The following TATDN1 variants were observed in gnomAD, a reference collection of about 807,000 sequenced individuals.
The protein encoded by TATDN1 is deoxyribonuclease TATDN1.
A neutral mutation model predicts 46.4 loss-of-function variants in TATDN1; 40 were observed. The observed-to-expected ratio is 0.86, with a 90% confidence interval of 0.67 to 1.12. The LOEUF is 1.12. Among genes scored for constraint, TATDN1 ranks in the 50% most tolerant of loss-of-function variants. The probability of loss-of-function intolerance (pLI) is 0.00; values close to 1 mark genes in which losing one functional copy is unlikely to be tolerated. For synonymous variants in TATDN1, 95 were observed against 105.6 expected, an observed-to-expected ratio of 0.90 and a Z score of 0.62; for missense variants, 326 against 348.4, an observed-to-expected ratio of 0.94 and a Z score of 0.51.
Position 124,516,036 on chromosome 8 carries a change from A to G in TATDN1, c.203-6T>C. 2 of 1,595,302 alleles carry G rather than the reference A, an allele frequency of 1.3e-6. No homozygotes were observed. The highest frequency in any genetic ancestry group is 1.7e-6 in the Non-Finnish European group (2 of 1,173,054). ...AACTGTACTGAAAAACATACCTAAC[A>G]GAAAATAATGTCTTAGGATTATTTT... On this transcript the variant is annotated splice_polypyrimidine_tract_variant and splice_region_variant and intron_variant, in intron 4 of 11. Transcript: ENST00000276692.
chr8:124,529,103 G>T (rs546556132), intron 1 of TATDN1, among the ~76,000 whole-genome samples: 1 of 152,300 alleles, frequency 6.6e-6, no homozygotes, highest in Admixed American at 6.5e-5. Flanking sequence ...ACCACTGTAA[G>T]CTTGCTTCAA....
intron 4 of TATDN1, among the ~76,000 whole-genome samples, chr8:124,518,548 A>C (rs1220007550): frequency 6.6e-6 from 1 of 151,304 alleles, no homozygotes; most frequent in African/African-American, 2.4e-5. Context: ...AACACACCTG[A>C]GGTTAAACTG....
chr8:124,510,666 A>C (rs1036952438), intron 6 of TATDN1, among the ~76,000 whole-genome samples: 1 of 151,938 alleles, frequency 6.6e-6, no homozygotes, highest in African/African-American at 2.4e-5. Flanking sequence ...TCTACAAAAA[A>C]TACAAGAATT....
At chr8:124,512,197 C>T (rs567583185) in intron 6 of TATDN1, among the ~76,000 whole-genome samples, 2 of 152,022 alleles carry the variant, frequency 1.3e-5, no homozygotes, top group Non-Finnish European at 2.9e-5. Context: ...CCGTGGTGGG[C>T]GGATCACTTG....
At position 124,493,908 on chromosome 8, in the gene TATDN1, CTTATATA is replaced by C; in HGVS notation, c.709_715del (p.Tyr237GlufsTer16). 1 of 1,612,582 alleles carries C rather than the reference CTTATATA, an allele frequency of 6.2e-7. No individual in the cohort carries two copies. The highest frequency in any genetic ancestry group is 8.5e-7 in the Non-Finnish European group (1 of 1,179,844). On this transcript the variant is annotated frameshift_variant, in exon 11 of 12. Transcript: ENST00000276692. LOFTEE classifies it high-confidence loss of function. The stretch of plus-strand genomic sequence containing the variant: ...CTTCTTTTTGGTAGGAAATGCAGTT[CTTATATA>C]TTTTGATCCAGCATGTGTACTTTTG...
chr8:124,516,017 A>G lies in TATDN1; in HGVS notation c.216T>C (p.Ser72=), dbSNP rs138463544. 1.7e-4 allele frequency: 273 copies of G among 1,607,136 alleles called. No homozygotes were observed. In the African/African-American group the frequency reaches 3.2e-3, roughly 19 times the overall value. The change falls in exon 5 of 12, where the codon AGT becomes AGC. Residue 72 remains serine (S), a synonymous_variant. Coordinates refer to ENST00000276692, the MANE Select transcript of TATDN1 (RefSeq NM_032026.4). ...HLAQTNGMFF[S]TVGCHPTRCG... is the part of the protein sequence containing the mutation. ...ATCTTGTAGGATGACATCCAACTGT[A>G]CTGAAAAACATACCTAACAGAAAAT... is the stretch of plus-strand genomic sequence containing the variant.
At position 124,504,364 on chromosome 8, in the gene TATDN1, A is replaced by AT; in HGVS notation, c.517-18dup. Reference sequence around the variant, plus strand: ...TGAATGCACCTGGGGACATACAGGTATAAGTTTATTATTATAATAATTACT... The same window carrying AT: ...TGAATGCACCTGGGGACATACAGGTATTAAGTTTATTATTATAATAATTACT... On this transcript the variant is annotated splice_polypyrimidine_tract_variant and intron_variant, in intron 8 of 11. Coordinates refer to ENST00000276692, the MANE Select transcript of TATDN1 (RefSeq NM_032026.4). 6.6e-7 allele frequency: 1 copy of AT among 1,510,952 alleles called. No homozygotes were observed. The highest frequency in any genetic ancestry group is 2.3e-5 in the East Asian group (1 of 43,424). The allele number at this position is 1,510,952 out of a possible 1,614,324, so 93.6% of individuals were successfully genotyped here.
In TATDN1 at chr8:124,502,912, G is replaced by A. The variant is rs28637291; in HGVS notation, c.593+1359C>T. ...CCAGCTACTCAGGAGGCTGAGGTGG[G>A]AGGGTTGCTTGAGCCTGGGAGGTCA... On this transcript the variant is annotated intron_variant, in intron 9 of 11. Transcript: ENST00000276692. Among the ~76,000 whole-genome samples, 412 of 152,308 alleles carry A rather than the reference G, an allele frequency of 2.7e-3. 4 individuals are homozygous for A. Among genetic ancestry groups the A allele is most frequent in the African/African-American group, 8.9e-3 (371 of 41,558 alleles).
chr8:124,507,580 G>A (rs911705851), intron 8 of TATDN1, among the ~76,000 whole-genome samples: 1 of 152,010 alleles, frequency 6.6e-6, no homozygotes, highest in Non-Finnish European at 1.5e-5. Flanking sequence ...TTAGGAGTTC[G>A]AGATCAGCCT....
chr8:124,503,366 G>A (rs555812763), intron 9 of TATDN1, among the ~76,000 whole-genome samples: 1 of 151,986 alleles, frequency 6.6e-6, no homozygotes, highest in Non-Finnish European at 1.5e-5. Context: ...CATGCTGGGG[G>A]GACTCTGATA....
intron 6 of TATDN1, among the ~76,000 whole-genome samples, chr8:124,512,856 G>C (rs888620178): frequency 6.6e-6 from 1 of 152,080 alleles, no homozygotes; most frequent in Admixed American, 6.5e-5. Flanking sequence ...AGGAGTGAGG[G>C]GCAGAGAATG....
At chr8:124,523,058 T>G in intron 1 of TATDN1, 56 bp from the exon 2 acceptor site, 1 of 1,495,672 alleles carries the variant, frequency 6.7e-7, no homozygotes. Flanking sequence ...AAACTTGTAC[T>G]TAAATAAAAA....
chr8:124,519,477 C>T (rs1159670131), intron 3 of TATDN1, among the ~76,000 whole-genome samples: 8 of 152,206 alleles, frequency 5.3e-5, no homozygotes, highest in African/African-American at 1.9e-4. Flanking sequence ...AAACATACAA[C>T]TGTACTCATG....
At chr8:124,519,281 G>A (rs759126369) in intron 3 of TATDN1, among the ~76,000 whole-genome samples, 8 of 152,158 alleles carry the variant, frequency 5.3e-5, no homozygotes, top group Non-Finnish European at 1.0e-4. Flanking sequence ...CAGTAGGTAT[G>A]TGAAGTCAAA....
intron 8 of TATDN1, among the ~76,000 whole-genome samples, chr8:124,506,334 C>CAAAAAAAAAAAAAAAAAAAAAAAAAAAA (rs56023168): frequency 2.7e-4 from 14 of 52,468 alleles, no homozygotes; most frequent in South Asian, 8.8e-4. Context: ...GGCTCTGTCT[C>CAAAAAAAAAAAAAAAAAAAAAAAAAAAA]AAAAAAAAAA....
At chr8:124,535,973 T>C (rs948661794) in intron 1 of TATDN1, among the ~76,000 whole-genome samples, 2 of 152,188 alleles carry the variant, frequency 1.3e-5, no homozygotes, top group Non-Finnish European at 2.9e-5. Context: ...ACCTCAACAT[T>C]GGAGAGCAAA....
At chr8:124,498,534 G>A (rs1586571421) in intron 9 of TATDN1, among the ~76,000 whole-genome samples, 2 of 150,354 alleles carry the variant, frequency 1.3e-5, no homozygotes, top group African/African-American at 4.9e-5. Context: ...TTTCTAGTCC[G>A]ATTTCACACT....
intron 1 of TATDN1, among the ~76,000 whole-genome samples, chr8:124,525,158 CTTT>C (rs1820376507): frequency 6.6e-6 from 1 of 151,704 alleles, no homozygotes; most frequent in African/African-American, 2.4e-5. Flanking sequence ...TTTTATTTTT[CTTT>C]TTAAGACAGA....
intron 8 of TATDN1, among the ~76,000 whole-genome samples, chr8:124,506,141 C>T (rs1003094155): frequency 6.6e-6 from 1 of 151,798 alleles, no homozygotes; most frequent in Non-Finnish European, 1.5e-5. Flanking sequence ...TCAAGACCCA[C>T]CTGGCCAACA....
Sources: allele counts gnomAD v4.1 joint callset (sites outside exome capture counted in the v4.1 genomes callset), GRCh38; gene constraint gnomAD v4.1.1; transcripts MANE v1.5; gene names NCBI Gene and HGNC (gene_info 2026-07-23, HGNC 2026-07-21).